Variants in DAB1 observed in about 807,000 individuals in gnomAD.
DAB1 encodes the protein disabled homolog 1.
Under a neutral mutation model 64.6 loss-of-function variants are expected in DAB1, and 15 were observed. That is an observed-to-expected ratio of 0.23 (90% CI 0.16 to 0.36). The LOEUF is 0.36. DAB1 is among the 10% of genes least tolerant of loss of function. The pLI, the probability that DAB1 is intolerant of heterozygous loss-of-function variation, is 1.00. For synonymous variants in DAB1, 235 were observed against 251.9 expected, an observed-to-expected ratio of 0.93 and a Z score of 0.64; for missense variants, 596 against 706.7, an observed-to-expected ratio of 0.84 and a Z score of 1.78.
chr1:57,558,407 C>G (rs905290690), intron 7 of DAB1, among the ~76,000 whole-genome samples: 59 of 152,246 alleles, frequency 3.9e-4, no homozygotes, highest in African/African-American at 1.4e-3. Flanking sequence ...AAAGTCCCAG[C>G]GGGCCCCTAG....
intron 5 of DAB1, among the ~76,000 whole-genome samples, chr1:58,014,244 G>A (rs1253325082): frequency 6.6e-6 from 1 of 152,176 alleles, no homozygotes; most frequent in East Asian, 1.9e-4. Context: ...TTAAATAAAA[G>A]GAGAATTTGA....
chr1:58,331,737 C>T (rs148275539), intron 4 of DAB1, among the ~76,000 whole-genome samples: 98 of 152,228 alleles, frequency 6.4e-4, no homozygotes, highest in East Asian at 2.1e-3. Flanking sequence ...TAGGTATGTA[C>T]GTTTTTTAGA....
chr1:58,226,139 T>C (rs1189346883), intron 4 of DAB1, among the ~76,000 whole-genome samples: 1 of 152,108 alleles, frequency 6.6e-6, no homozygotes, highest in Non-Finnish European at 1.5e-5. Context: ...TCTGGCCATC[T>C]CCAAGTCATG....
intron 3 of DAB1, among the ~76,000 whole-genome samples, chr1:58,457,636 T>C (rs1389430149): frequency 6.6e-6 from 1 of 152,230 alleles, no homozygotes; most frequent in Non-Finnish European, 1.5e-5. Context: ...CTGGCCTCCC[T>C]GTCATGGAGT....
chr1:58,431,558 GAAAAAAAAAAAA>G (rs66832530), intron 3 of DAB1, among the ~76,000 whole-genome samples: 1 of 76,280 alleles, frequency 1.3e-5, no homozygotes, highest in Non-Finnish European at 2.5e-5. Flanking sequence ...ACTCCATCTG[GAAAAAAAAAAAA>G]AAAAAAAAGG....
At chr1:57,716,316 A>G (rs1647083447) in intron 6 of DAB1, among the ~76,000 whole-genome samples, 1 of 152,256 alleles carries the variant, frequency 6.6e-6, no homozygotes, top group Non-Finnish European at 1.5e-5. Context: ...AAGCTGGGGC[A>G]TCATATTACC....
chr1:57,961,696 T>C (rs568537614), intron 5 of DAB1, among the ~76,000 whole-genome samples: 1 of 152,286 alleles, frequency 6.6e-6, no homozygotes, highest in South Asian at 2.1e-4. Flanking sequence ...CGGCTGGGTG[T>C]GGTGGCTCAC....
intron 2 of DAB1, among the ~76,000 whole-genome samples, chr1:57,202,177 G>A (rs74774644): frequency 0.037 from 5,669 of 152,188 alleles, 161 homozygotes; most frequent in Non-Finnish European, 0.055. Context: ...TGAGTTTCTG[G>A]GATGAATTTG....
At chr1:57,652,545 A>C (rs1646269538) in intron 6 of DAB1, among the ~76,000 whole-genome samples, 1 of 152,214 alleles carries the variant, frequency 6.6e-6, no homozygotes, top group South Asian at 2.1e-4. Context: ...GCATGCAAGA[A>C]TGTAATCATT....
intron 5 of DAB1, among the ~76,000 whole-genome samples, chr1:58,085,191 T>C (rs371603621): frequency 6.6e-5 from 10 of 152,280 alleles, no homozygotes; most frequent in Non-Finnish European, 7.4e-5. Flanking sequence ...GATGGAGGAA[T>C]TGGATCTATA....
intron 6 of DAB1, among the ~76,000 whole-genome samples, chr1:57,712,207 T>C (rs1035136444): frequency 6.6e-6 from 1 of 152,178 alleles, no homozygotes; most frequent in Non-Finnish European, 1.5e-5. Context: ...GCTTAGCACA[T>C]CAACATAAGA....
At chr1:57,953,900 G>A (rs1356932691) in intron 5 of DAB1, among the ~76,000 whole-genome samples, 2 of 152,056 alleles carry the variant, frequency 1.3e-5, no homozygotes, top group East Asian at 3.9e-4. Flanking sequence ...TCCCTTTCAG[G>A]CCAAGGGACA....
At position 58,279,408 on chromosome 1, in the gene DAB1, G is replaced by T. The variant is rs1022186038; in HGVS notation, n.309+63944C>A. ...CAGGACTAGGCCTGGCCTGTTATTA[G>T]ACTGGTCTCTCTGGGTGGAAGAAGG... On this transcript the variant is annotated intron_variant and non_coding_transcript_variant, in intron 4 of 20. Transcript: ENST00000485760. Among the ~76,000 whole-genome samples the T allele has an allele frequency of 5.9e-5, 9 of 152,332 alleles. No individual in the cohort carries two copies. In the South Asian group the frequency reaches 1.9e-3, roughly 32 times the overall value.
chr1:57,647,493 G>A (rs1310385944), intron 7 of DAB1, among the ~76,000 whole-genome samples: 2 of 152,160 alleles, frequency 1.3e-5, no homozygotes, highest in East Asian at 3.9e-4. Flanking sequence ...CGTCCCCCTA[G>A]AGAAGTCTTC....
intron 5 of DAB1, among the ~76,000 whole-genome samples, chr1:58,063,794 A>C (rs1648663579): frequency 6.6e-6 from 1 of 152,224 alleles, no homozygotes; most frequent in African/African-American, 2.4e-5. Flanking sequence ...CCGCAGGTGG[A>C]TAGCCCAAGC....
intron 3 of DAB1, among the ~76,000 whole-genome samples, chr1:58,351,413 G>T (rs1197183179): frequency 6.6e-6 from 1 of 152,116 alleles, no homozygotes; most frequent in Non-Finnish European, 1.5e-5. Context: ...GCAAGAAGGG[G>T]CCCTGATAGA....
intron 6 of DAB1, among the ~76,000 whole-genome samples, chr1:57,814,851 T>G (rs1297961382): frequency 6.6e-6 from 1 of 152,124 alleles, no homozygotes; most frequent in African/African-American, 2.4e-5. Context: ...TGTATGAGTG[T>G]GAGCAAATCG....
intron 5 of DAB1, among the ~76,000 whole-genome samples, chr1:58,131,572 T>TC (rs986064759): frequency 5.8e-5 from 8 of 138,338 alleles, no homozygotes; most frequent in Admixed American, 4.9e-4. Context: ...TTCTGTTTTT[T>TC]CCCCATCTTT....
chr1:58,247,141 G>A (rs189314914), intron 4 of DAB1, among the ~76,000 whole-genome samples: 5 of 152,260 alleles, frequency 3.3e-5, no homozygotes, highest in African/African-American at 1.2e-4. Context: ...GGGAGGCTCT[G>A]AGGATGGGCC....
Sources: allele counts gnomAD v4.1 joint callset (sites outside exome capture counted in the v4.1 genomes callset), GRCh38; gene constraint gnomAD v4.1.1; transcripts MANE v1.5; gene names NCBI Gene and HGNC (gene_info 2026-07-23, HGNC 2026-07-21).